Variants in WDPCP observed in about 807,000 individuals in gnomAD.
The protein encoded by WDPCP is WD repeat-containing and planar cell polarity effector protein fritz homolog.
A neutral mutation model predicts 93.1 loss-of-function variants in WDPCP; 71 were observed. The observed-to-expected ratio is 0.76, with a 90% CI of 0.63 to 0.93. The LOEUF is 0.93. Among genes scored for constraint, WDPCP ranks in the 40% least tolerant of loss-of-function variants. The pLI is 0.00. For synonymous variants in WDPCP, 315 were observed against 315.0 expected (o/e 1.00, Z 0.00); for missense variants, 844 against 887.4 (o/e 0.95, Z 0.62).
intron 17 of WDPCP, among the ~76,000 whole-genome samples, chr2:63,145,368 C>A (rs950001021): frequency 1.5e-4 from 22 of 151,540 alleles, no homozygotes; most frequent in Admixed American, 1.1e-3. Context: ...TAGGGAAGTA[C>A]CATCAGGTGG....
intron 12 of WDPCP, among the ~76,000 whole-genome samples, chr2:63,355,845 G>A (rs984719382): frequency 4.6e-5 from 7 of 152,146 alleles, no homozygotes; most frequent in African/African-American, 1.4e-4. Flanking sequence ...CTGAGACTGT[G>A]CCACTGCACT....
At chr2:63,292,152 G>A (rs1457105316) in intron 13 of WDPCP, among the ~76,000 whole-genome samples, 155 of 132,864 alleles carry the variant, frequency 1.2e-3, no homozygotes, top group Admixed American at 1.3e-3. Context: ...AAAAAAAAAA[G>A]AAAAAGAAAA....
chr2:63,606,948 A>C (rs1341963159), intron 3 of WDPCP: 1 of 1,612,936 alleles, frequency 6.2e-7, no homozygotes. Flanking sequence ...AACTGACAGA[A>C]GAAAAAGAAA....
intron 1 of WDPCP, among the ~76,000 whole-genome samples, chr2:63,823,417 T>G (rs181030128): frequency 1.1e-4 from 17 of 152,144 alleles, no homozygotes; most frequent in African/African-American, 4.1e-4. Flanking sequence ...GAGGCAGAAC[T>G]GCTTGAACCT....
chr2:63,544,789 C>T (rs1219569631), intron 1 of WDPCP, among the ~76,000 whole-genome samples: 1 of 152,036 alleles, frequency 6.6e-6, no homozygotes, highest in Admixed American at 6.6e-5. Context: ...ATTAATGTTC[C>T]TGTTACAGTG....
At chr2:63,838,939 T>C in the WDPCP span, among the ~76,000 whole-genome samples, 1 of 152,204 alleles carries the variant, frequency 6.6e-6, no homozygotes, top group African/African-American at 2.4e-5. Flanking sequence ...TACCGATGTA[T>C]AAAGAAATTT....
intron 3 of WDPCP, chr2:63,607,223 A>G: frequency 3.7e-6 from 1 of 271,544 alleles, no homozygotes; most frequent in East Asian, 8.6e-5. Flanking sequence ...TTTCTAGCTA[A>G]TATTTAGTGT....
chr2:63,648,652 T>G (rs1439652786), intron 3 of WDPCP, among the ~76,000 whole-genome samples: 2 of 152,216 alleles, frequency 1.3e-5, no homozygotes, highest in African/African-American at 4.8e-5. Flanking sequence ...CTGGCTTTTT[T>G]CATTAGTATA....
intron 1 of WDPCP, among the ~76,000 whole-genome samples, chr2:63,568,318 T>C (rs1038856023): frequency 3.4e-5 from 5 of 148,408 alleles, no homozygotes; most frequent in African/African-American, 1.3e-4. Context: ...AAGAAGTCTC[T>C]GACTATAAAT....
At chr2:63,276,526 T>TA (rs1683102458) in intron 13 of WDPCP, among the ~76,000 whole-genome samples, 1 of 151,990 alleles carries the variant, frequency 6.6e-6, no homozygotes, top group African/African-American at 2.4e-5. Context: ...CTGGCATAAA[T>TA]AAAAAACAAT....
chr2:63,439,986 C>G (rs1697398693), intron 6 of WDPCP, 115 bp from the exon 7 acceptor site: 1 of 717,450 alleles, frequency 1.4e-6, no homozygotes, highest in Admixed American at 2.5e-5. Context: ...TGCATCTACA[C>G]TACAAAATTA....
chr2:63,594,658 G>A, intron 3 of WDPCP: 1 of 1,087,586 alleles, frequency 9.2e-7, no homozygotes, highest in Non-Finnish European at 1.4e-6. Flanking sequence ...GTATTTAGTT[G>A]TACACAAATT....
At chr2:63,730,251 C>T (rs1044653959) in intron 2 of WDPCP, among the ~76,000 whole-genome samples, 1 of 151,758 alleles carries the variant, frequency 6.6e-6, no homozygotes, top group African/African-American at 2.4e-5. Context: ...AAGTGACTGA[C>T]CCAAGATCAC....
At chr2:63,219,981 G>A (rs1197157783) in intron 14 of WDPCP, among the ~76,000 whole-genome samples, 2 of 151,830 alleles carry the variant, frequency 1.3e-5, no homozygotes, top group Non-Finnish European at 1.5e-5. Flanking sequence ...CAGCCTGGGC[G>A]ACAGAGTGAG....
chr2:63,484,569 G>C, intron 6 of WDPCP, 35 bp downstream of exon 6: 2 of 1,611,576 alleles, frequency 1.2e-6, no homozygotes, highest in East Asian at 2.2e-5. Context: ...AGCTCCATTG[G>C]TTAAACACTG....
chr2:63,717,372 G>T, intron 2 of WDPCP: 1 of 464,200 alleles, frequency 2.2e-6, no homozygotes, highest in South Asian at 1.8e-5. Context: ...TGAAATGTCA[G>T]TTCTTGATCC....
chr2:63,448,425 T>TA (rs1429602616), intron 6 of WDPCP, among the ~76,000 whole-genome samples: 1 of 125,118 alleles, frequency 8.0e-6, no homozygotes, highest in Non-Finnish European at 1.6e-5. Flanking sequence ...CTGAGTTAAT[T>TA]AAAAATACAT....
At chr2:63,462,584 G>C (rs1365600554) in intron 6 of WDPCP, among the ~76,000 whole-genome samples, 1 of 152,148 alleles carries the variant, frequency 6.6e-6, no homozygotes, top group East Asian at 1.9e-4. Context: ...ACACGGAATA[G>C]ACAGAGTGGT....
chr2:63,375,724 T>C (rs1236044688), intron 12 of WDPCP, among the ~76,000 whole-genome samples: 1 of 151,970 alleles, frequency 6.6e-6, no homozygotes, highest in East Asian at 1.9e-4. Context: ...ATTTTAATAA[T>C]CTACATGGTA....
Sources: allele counts gnomAD v4.1 joint callset (sites outside exome capture counted in the v4.1 genomes callset), GRCh38; gene constraint gnomAD v4.1.1; transcripts MANE v1.5; gene names NCBI Gene and HGNC (gene_info 2026-07-23, HGNC 2026-07-21).